The following NMD3 variants were observed in gnomAD, a reference collection of about 807,000 sequenced individuals.
The protein encoded by NMD3 is 60S ribosomal export protein NMD3.
In NMD3, 47 loss-of-function variants were observed where a neutral mutation model predicts 73.1. The observed-to-expected ratio is 0.64, with a 90% CI of 0.51 to 0.82. The LOEUF (loss-of-function observed/expected upper bound fraction) is 0.82, where lower values mean the gene tolerates loss of function less well. Ranked by LOEUF, NMD3 falls within the 40% of genes least tolerant of loss-of-function variation. The pLI is 0.00. For synonymous variants in NMD3, 210 were observed against 194.5 expected (o/e 1.08, Z -0.66); for missense variants, 554 against 612.5 (o/e 0.90, Z 1.01).
chr3:161,238,812 G>T lies in NMD3; in HGVS notation c.739G>T (p.Val247Phe), dbSNP rs1489739511. The T allele has an allele frequency of 1.0e-5, 15 of 1,499,902 alleles. No individual in the cohort carries two copies. The highest frequency in any genetic ancestry group is 1.3e-5 in the Non-Finnish European group (14 of 1,086,726). The allele number at this position is 1,499,902 out of a possible 1,614,324, so 92.9% of individuals were successfully genotyped here. A position where few individuals can be genotyped will look rare whatever the true frequency, so the allele number is the denominator to read the frequency against. The change falls in exon 9 of 16, where the codon GTT becomes TTT. Residue 247 changes from valine (V) to phenylalanine (F), a missense_variant. Coordinates refer to ENST00000351193, the MANE Select transcript of NMD3 (RefSeq NM_015938.5). ...NYKSTFSVEI[V>F]PICKDNVVCL... ...CAAAAGCACTTTTTCTGTGGAAATTGTTCCAATATGCAAGGTACTTTTCTT... is the reference window on the plus strand; with the variant it reads ...CAAAAGCACTTTTTCTGTGGAAATTTTTCCAATATGCAAGGTACTTTTCTT...
Position 161,250,944 on chromosome 3 carries a change from T to C in NMD3, c.*34T>C. 6.3e-7 allele frequency: 1 copy of C among 1,587,686 alleles called. No individual in the cohort carries two copies. The highest frequency in any genetic ancestry group is 1.7e-4 in the Middle Eastern group (1 of 5,970). On this transcript the variant is annotated 3_prime_UTR_variant, in exon 16 of 16. Coordinates refer to ENST00000351193, the MANE Select transcript of NMD3 (RefSeq NM_015938.5). ...TGTAGACTGTTTCCATACATGGGCTTAAGAAGTTGGACAGAGTTACCTTAA... is the reference window on the plus strand; with the variant it reads ...TGTAGACTGTTTCCATACATGGGCTCAAGAAGTTGGACAGAGTTACCTTAA...
intron 11 of NMD3, among the ~76,000 whole-genome samples, chr3:161,245,794 A>C (rs898508099): frequency 2.6e-5 from 4 of 151,968 alleles, no homozygotes; most frequent in Non-Finnish European, 5.9e-5. Flanking sequence ...TATATATAGC[A>C]GATGTAGAGA....
chr3:161,233,111 T>C (rs1174283810), intron 4 of NMD3, among the ~76,000 whole-genome samples: 3 of 93,708 alleles, frequency 3.2e-5, no homozygotes, highest in Non-Finnish European at 5.6e-5. Flanking sequence ...AAGGACAATG[T>C]ACTTTTTTTT....
At chr3:161,227,480 T>TC (rs1736368158) in intron 4 of NMD3, 137 bp downstream of exon 4, 2 of 564,884 alleles carry the variant, frequency 3.5e-6, no homozygotes, top group Non-Finnish European at 6.2e-6. Context: ...TCTTGAACTG[T>TC]CACCTGGGCT....
intron 7 of NMD3, 74 bp downstream of exon 7, chr3:161,235,286 A>C: frequency 4.1e-4 from 265 of 651,174 alleles, no homozygotes; most frequent in Non-Finnish European, 5.4e-4. Flanking sequence ...TCTTATATTT[A>C]CTGATAATAT....
At chr3:161,228,898 A>C (rs1224117849) in intron 4 of NMD3, among the ~76,000 whole-genome samples, 3 of 152,182 alleles carry the variant, frequency 2.0e-5, no homozygotes, top group African/African-American at 7.2e-5. Flanking sequence ...GGAAGAGGAT[A>C]AGAACTGTGC....
chr3:161,237,479 CAGAT>C (rs1736801288), intron 7 of NMD3, among the ~76,000 whole-genome samples: 1 of 150,844 alleles, frequency 6.6e-6, no homozygotes. Context: ...TTCTATCTCT[CAGAT>C]AGTTTCCTGT....
intron 9 of NMD3, among the ~76,000 whole-genome samples, chr3:161,240,005 A>T (rs1188421050): frequency 6.6e-6 from 1 of 152,210 alleles, no homozygotes; most frequent in Admixed American, 6.5e-5. Flanking sequence ...AATCTTGAGA[A>T]ATATGAATTT....
intron 2 of NMD3, among the ~76,000 whole-genome samples, chr3:161,224,232 T>C (rs1736217780): frequency 6.6e-6 from 1 of 152,162 alleles, no homozygotes; most frequent in Non-Finnish European, 1.5e-5. Flanking sequence ...AAAAAATAAA[T>C]TGAGTTTCTC....
At chr3:161,245,133 A>G (rs1737149482) in intron 11 of NMD3, among the ~76,000 whole-genome samples, 1 of 142,184 alleles carries the variant, frequency 7.0e-6, no homozygotes, top group Non-Finnish European at 1.5e-5. Context: ...AGAGACTCCC[A>G]GGGTACCCTT....
chr3:161,233,114 T>A (rs909990936), intron 4 of NMD3, among the ~76,000 whole-genome samples: 2 of 20,876 alleles, frequency 9.6e-5, no homozygotes, highest in African/African-American at 2.1e-3. Flanking sequence ...GACAATGTAC[T>A]TTTTTTTTTT....
intron 13 of NMD3, among the ~76,000 whole-genome samples, chr3:161,248,331 A>T (rs1171034359): frequency 6.6e-6 from 1 of 151,752 alleles, no homozygotes; most frequent in Admixed American, 6.6e-5. Flanking sequence ...CTTTACTAAA[A>T]TACAAAAAAT....
intron 15 of NMD3, 79 bp downstream of exon 15, chr3:161,250,405 G>T: frequency 1.2e-6 from 1 of 810,646 alleles, no homozygotes; most frequent in South Asian, 1.8e-5. Flanking sequence ...GGTATCTTAA[G>T]CTTTGATTCT....
At chr3:161,235,506 G>A (rs1301223317) in intron 7 of NMD3, among the ~76,000 whole-genome samples, 1 of 152,104 alleles carries the variant, frequency 6.6e-6, no homozygotes, top group Admixed American at 6.6e-5. Flanking sequence ...ACCTAAGTAT[G>A]ATATTTCTTG....
intron 9 of NMD3, among the ~76,000 whole-genome samples, chr3:161,239,082 C>G (rs558217201): frequency 2.6e-5 from 4 of 152,120 alleles, no homozygotes; most frequent in African/African-American, 9.6e-5. Flanking sequence ...TGATAAAAGT[C>G]CGTATTCTTT....
intron 11 of NMD3, among the ~76,000 whole-genome samples, chr3:161,244,154 A>G (rs1737100384): frequency 6.6e-6 from 1 of 152,206 alleles, no homozygotes; most frequent in South Asian, 2.1e-4. Flanking sequence ...AATTTTAGAC[A>G]TGATCTTGCC....
chr3:161,249,372 G>T, intron 13 of NMD3, 82 bp from the exon 14 acceptor site: 2 of 823,526 alleles, frequency 2.4e-6, no homozygotes, highest in South Asian at 3.2e-5. Flanking sequence ...CATTAGTTTG[G>T]TCATTTTTTA....
At position 161,238,825 on chromosome 3, in the gene NMD3, A is replaced by G. The variant is rs774994249; in HGVS notation, c.752A>G (p.Lys251Arg). The G allele has an allele frequency of 2.8e-6, 4 of 1,433,706 alleles. No individual in the cohort carries two copies. Among genetic ancestry groups the G allele is most frequent in the Non-Finnish European group, 3.9e-6 (4 of 1,029,024 alleles). The allele number at this position is 1,433,706 out of a possible 1,614,324, so 88.8% of individuals were successfully genotyped here. The change falls in exon 9 of 16, where the codon AAG becomes AGG. Residue 251 changes from lysine (K) to arginine (R), a missense_variant and splice_region_variant. Lys to Arg is a conservative substitution (Grantham distance 26). Transcript: ENST00000351193. ...TCTGTGGAAATTGTTCCAATATGCA[A>G]GGTACTTTTCTTTTTCATTTAATCC... ...TFSVEIVPIC[K>R]DNVVCLSPKL... is the part of the protein sequence containing the mutation.
chr3:161,234,856 GT>G lies in NMD3; in HGVS notation c.486+2del, dbSNP rs1736689615. The G allele has an allele frequency of 1.2e-6, 2 of 1,612,980 alleles. No individual in the cohort carries two copies. The highest frequency in any genetic ancestry group is 1.3e-5 in the African/African-American group (1 of 74,844). On this transcript the variant is annotated splice_donor_variant, in intron 6 of 15. Coordinates refer to ENST00000351193, the MANE Select transcript of NMD3 (RefSeq NM_015938.5). LOFTEE classifies it high-confidence loss of function. Reference sequence around the variant, plus strand: ...GGCTGTGATTCAAGTGAGGCAAAAGGTAATGAGAGAAGATGATGAGTGAGTC... The same window carrying G: ...GGCTGTGATTCAAGTGAGGCAAAAGGAATGAGAGAAGATGATGAGTGAGTC...
Sources: allele counts gnomAD v4.1 joint callset (sites outside exome capture counted in the v4.1 genomes callset), GRCh38; gene constraint gnomAD v4.1.1; transcripts MANE v1.5; gene names NCBI Gene and HGNC (gene_info 2026-07-23, HGNC 2026-07-21).